NIBAN1: variants seen among roughly 807,000 people sequenced by gnomAD.
NIBAN1 encodes the protein niban apoptosis regulator 1, also known as protein Niban 1.
A neutral mutation model predicts 75.1 loss-of-function variants in NIBAN1; 81 were observed. That is an observed-to-expected ratio of 1.08 (90% CI 0.90 to 1.30). The LOEUF is 1.30. Ranked by LOEUF, NIBAN1 falls within the 50% of genes most tolerant of loss-of-function variation. NIBAN1 has a pLI of 0.00. For synonymous variants in NIBAN1, 436 were observed against 424.8 expected (o/e 1.03, Z -0.32); for missense variants, 1,133 against 1,128.1 (o/e 1.00, Z -0.06).
intron 5 of NIBAN1, among the ~76,000 whole-genome samples, chr1:184,868,985 C>G (rs569470612): frequency 1.3e-3 from 194 of 152,200 alleles, no homozygotes; most frequent in African/African-American, 4.4e-3. Context: ...TGAGTTAATA[C>G]AGTGGCTTTC....
intron 10 of NIBAN1, 149 bp downstream of exon 10, chr1:184,807,925 G>C (rs1654251268): frequency 1.3e-6 from 1 of 797,040 alleles, no homozygotes; most frequent in African/African-American, 1.7e-5. Context: ...AGCCAGTGGA[G>C]GGACAGAACG....
chr1:184,913,154 T>TGA lies in NIBAN1; in HGVS notation c.56-13846_56-13845insTC, dbSNP rs1553227228. On this transcript the variant is annotated intron_variant, in intron 1 of 13. Transcript: ENST00000367511. ...TCATGCAGGTATATATATATATATA[T>TGA]TATATATATATGCCTTTCATACCAT... Among the ~76,000 whole-genome samples the TGA allele has an allele frequency of 1.2e-3, 182 of 146,654 alleles. 4 individuals carry two copies. The South Asian group carries it at 0.024, about 19-fold the overall frequency.
intron 5 of NIBAN1, among the ~76,000 whole-genome samples, chr1:184,842,998 T>G (rs1655336611): frequency 6.6e-6 from 1 of 152,156 alleles, no homozygotes; most frequent in South Asian, 2.1e-4. Flanking sequence ...CCTTAGCAGG[T>G]TACAAAAGGT....
rs1553230564 is a variant in NIBAN1, at chr1:184,947,079, G to GAAAAAAGAAAAA, written c.55+27222_55+27223insTTTTTCTTTTTT. Among the ~76,000 whole-genome samples the GAAAAAAGAAAAA allele has an allele frequency of 1.2e-4, 18 of 150,562 alleles. No individual in the cohort carries two copies. In the South Asian group the frequency reaches 3.1e-3, roughly 26 times the overall value. On this transcript the variant is annotated intron_variant, in intron 1 of 13. Coordinates refer to ENST00000367511, the MANE Select transcript of NIBAN1 (RefSeq NM_052966.4). ...CAAGAGCAAAACTCCATCTCAAAAA[G>GAAAAAAGAAAAA]AAAAGAAAAGAAAAGAAATGCATTG... is the stretch of plus-strand genomic sequence containing the variant.
Position 184,958,364 on chromosome 1 carries a change from TCACACACACACACA to T in NIBAN1, c.55+15924_55+15937del, listed in dbSNP as rs3035788. ...CACTCCAGCTTGTGTGACAGAGGAG[TCACACACACACACA>T]CACACACACACACACACACACACAA... On this transcript the variant is annotated intron_variant, in intron 1 of 13. Coordinates refer to ENST00000367511, the MANE Select transcript of NIBAN1 (RefSeq NM_052966.4). 9.0e-3 allele frequency among the ~76,000 whole-genome samples: 1,288 copies of T among 142,706 alleles called. 16 individuals are homozygous for T. The highest frequency in any genetic ancestry group is 0.02 in the South Asian group (87 of 4,358). 93.6% of individuals were successfully genotyped at this position (142,706 alleles called of 152,430 possible). A position where few individuals can be genotyped will look rare whatever the true frequency, so the allele number is the denominator to read the frequency against.
At chr1:184,903,362 A>G (rs965693567) in intron 1 of NIBAN1, among the ~76,000 whole-genome samples, 4 of 152,218 alleles carry the variant, frequency 2.6e-5, no homozygotes, top group African/African-American at 9.7e-5. Flanking sequence ...ACTGATGCTA[A>G]AAGAAGCCAC....
intron 1 of NIBAN1, among the ~76,000 whole-genome samples, chr1:184,922,328 A>G (rs916588909): frequency 2.0e-5 from 3 of 152,150 alleles, no homozygotes; most frequent in African/African-American, 7.2e-5. Context: ...ACTATCAAAT[A>G]CTAGATCTTA....
At chr1:184,805,880 C>T (rs1654182500) in intron 11 of NIBAN1, 66 bp downstream of exon 11, 3 of 1,318,276 alleles carry the variant, frequency 2.3e-6, no homozygotes, top group Non-Finnish European at 3.3e-6. Flanking sequence ...GTATTTTCCA[C>T]TTTACAAAAG....
intron 8 of NIBAN1, among the ~76,000 whole-genome samples, chr1:184,819,748 G>T (rs1306254188): frequency 6.6e-6 from 1 of 152,182 alleles, no homozygotes; most frequent in African/African-American, 2.4e-5. Flanking sequence ...AGAAGCACAA[G>T]TGGAGCTGGT....
intron 1 of NIBAN1, among the ~76,000 whole-genome samples, chr1:184,970,222 T>C (rs1452339272): frequency 6.7e-6 from 1 of 149,368 alleles, no homozygotes; most frequent in Non-Finnish European, 1.5e-5. Flanking sequence ...TGGGTTGACA[T>C]ACCACGGTGT....
At chr1:184,886,290 G>C (rs749699686) in intron 4 of NIBAN1, among the ~76,000 whole-genome samples, 1 of 152,116 alleles carries the variant, frequency 6.6e-6, no homozygotes, top group African/African-American at 2.4e-5. Flanking sequence ...AGGGAGGCGG[G>C]GGAGGGGAAT....
Position 184,972,583 on chromosome 1 carries a change from T to C in NIBAN1, c.55+1719A>G, listed in dbSNP as rs76508467. 4.4e-3 allele frequency among the ~76,000 whole-genome samples: 669 copies of C among 152,326 alleles called. 15 individuals are homozygous for C. The East Asian group carries it at 0.059, about 14-fold the overall frequency. ...TACCTTGCAAGTGCCCTCCTGAATA[T>C]AGAATGAAGAGAGAAAGCTGAACAA... On this transcript the variant is annotated intron_variant, in intron 1 of 13. Coordinates refer to ENST00000367511, the MANE Select transcript of NIBAN1 (RefSeq NM_052966.4).
intron 1 of NIBAN1, among the ~76,000 whole-genome samples, chr1:184,941,779 G>A (rs953829138): frequency 2.4e-4 from 36 of 152,106 alleles, no homozygotes; most frequent in African/African-American, 8.0e-4. Flanking sequence ...TTTACTAAAT[G>A]CCAGTCAGAA....
At chr1:184,903,392 T>C (rs2101994171) in intron 1 of NIBAN1, among the ~76,000 whole-genome samples, 1 of 152,346 alleles carries the variant, frequency 6.6e-6, no homozygotes, top group East Asian at 1.9e-4. Flanking sequence ...TTTGGATCTT[T>C]TGTCCCCTGC....
At chr1:184,877,163 G>A (rs1370360214) in intron 5 of NIBAN1, among the ~76,000 whole-genome samples, 2 of 152,134 alleles carry the variant, frequency 1.3e-5, no homozygotes, top group Non-Finnish European at 2.9e-5. Context: ...GTTTAGCTTT[G>A]AAAGTCAATA....
intron 1 of NIBAN1, among the ~76,000 whole-genome samples, chr1:184,906,271 ACACACACACACACACATG>A (rs1657100091): frequency 6.7e-6 from 1 of 149,994 alleles, no homozygotes; most frequent in Admixed American, 6.7e-5. Flanking sequence ...ATAAATGAAC[ACACACACACACACACATG>A]CACACACACA....
At chr1:184,836,424 TC>T (rs1175444790) in intron 5 of NIBAN1, among the ~76,000 whole-genome samples, 1 of 152,216 alleles carries the variant, frequency 6.6e-6, no homozygotes, top group Non-Finnish European at 1.5e-5. Context: ...TTTACATATT[TC>T]CTCCTCTACT....
In NIBAN1 at chr1:184,792,428, G is replaced by A. The variant is rs1039500669; in HGVS notation, c.*2549C>T. The A allele has an allele frequency of 6.5e-6, 1 of 152,710 alleles. No homozygotes were observed. Among genetic ancestry groups the A allele is most frequent in the African/African-American group, 2.4e-5 (1 of 41,466 alleles). 9.5% of individuals were successfully genotyped at this position (152,710 alleles called of 1,614,324 possible). On this transcript the variant is annotated 3_prime_UTR_variant, in exon 14 of 14. Coordinates refer to ENST00000367511, the MANE Select transcript of NIBAN1 (RefSeq NM_052966.4). ...TTGAAAAAAATCTCTTAGCTTTCCA[G>A]GGGGTGCAAGAAGCCCTGCATTGAG...
At chr1:184,921,087 C>T (rs535752903) in intron 1 of NIBAN1, among the ~76,000 whole-genome samples, 4 of 149,064 alleles carry the variant, frequency 2.7e-5, no homozygotes, top group Admixed American at 2.7e-4. Context: ...CAATATTGCA[C>T]CACTGCACTC....
Sources: gnomAD v4.1 joint callset for allele counts (sites outside exome capture counted in the v4.1 genomes callset) on GRCh38, gnomAD v4.1.1 for gene constraint, MANE v1.5 for transcripts, NCBI Gene and HGNC (gene_info 2026-07-23, HGNC 2026-07-21) for gene names.